Variants in FNBP1 observed in about 807,000 individuals in gnomAD.
FNBP1 encodes formin binding protein 1.
A neutral mutation model predicts 90.6 loss-of-function variants in FNBP1; 26 were observed. The ratio of observed to expected loss-of-function variants is 0.29; its 90% CI spans 0.21 to 0.40. The LOEUF (loss-of-function observed/expected upper bound fraction) is 0.40, where lower values mean the gene tolerates loss of function less well. Among genes scored for constraint, FNBP1 ranks in the 10% least tolerant of loss-of-function variants. The pLI is 1.00. For missense variants in FNBP1, 635 were observed against 768.0 expected (o/e 0.83, Z 2.05); for synonymous variants, 260 against 265.2 (o/e 0.98, Z 0.19).
intron 7 of FNBP1, among the ~76,000 whole-genome samples, chr9:129,927,600 C>CT (rs2042101941): frequency 6.6e-6 from 1 of 151,908 alleles, no homozygotes; most frequent in Non-Finnish European, 1.5e-5. Flanking sequence ...CTCAATAGTT[C>CT]TTTTTTGTTT....
chr9:129,890,525 G>C lies in FNBP1; in HGVS notation c.*14C>G. 4 of 1,584,196 alleles carry C rather than the reference G, an allele frequency of 2.5e-6. No homozygotes were observed. The highest frequency in any genetic ancestry group is 2.6e-6 in the Non-Finnish European group (3 of 1,165,658). On this transcript the variant is annotated 3_prime_UTR_variant, in exon 17 of 17. Coordinates refer to ENST00000446176, the MANE Select transcript of FNBP1 (RefSeq NM_015033.3). This position sits in a 1 kb window ranked among gnomAD's most constrained non-coding sequence, Gnocchi z 5.8. ...CTCCAGGAAGGCTCACCCGAGGCTC[G>C]CAGGCACTCCCCTCTAGGAATCTAC...
the FNBP1 span, chr9:130,053,870 G>A: frequency 1.3e-6 from 2 of 1,507,832 alleles, no homozygotes; most frequent in African/African-American, 1.4e-5. Flanking sequence ...CCCTTCCGGC[G>A]GCTGCGCCCT....
intron 1 of FNBP1, among the ~76,000 whole-genome samples, chr9:129,998,681 C>A (rs2054377454): frequency 6.6e-6 from 1 of 152,146 alleles, no homozygotes. Context: ...TTTCCCCCCA[C>A]CATATCACTT....
chr9:129,918,704 T>C (rs981076571), intron 10 of FNBP1, among the ~76,000 whole-genome samples: 1 of 152,144 alleles, frequency 6.6e-6, no homozygotes, highest in Admixed American at 6.5e-5. Context: ...CAAACATGGA[T>C]ATGGGTGACT....
At chr9:129,968,034 A>T (rs2048886205) in intron 4 of FNBP1, among the ~76,000 whole-genome samples, 1 of 150,980 alleles carries the variant, frequency 6.6e-6, no homozygotes, top group African/African-American at 2.4e-5. Context: ...TTTGCAGGTG[A>T]AACAACCACA....
At chr9:130,034,008 T>C in intron 1 of FNBP1, among the ~76,000 whole-genome samples, 1 of 133,692 alleles carries the variant, frequency 7.5e-6, no homozygotes. Flanking sequence ...AGAACAAGAC[T>C]CTGTCTCAAA....
rs1440906553 is a variant in FNBP1 at position 129,917,198 on chromosome 9, GA to G, written c.1171-1219del. Among the ~76,000 whole-genome samples the G allele has an allele frequency of 2.0e-5, 3 of 151,814 alleles. No homozygotes were observed. The East Asian group carries it at 5.8e-4, about 29-fold the overall frequency. ...CAGCTAATGTTTTGTATTTTTAGTA[GA>G]GACGGGGTTTCGCCTTGTTGGTCAG... On this transcript the variant is annotated intron_variant, in intron 10 of 16. Coordinates refer to ENST00000446176, the MANE Select transcript of FNBP1 (RefSeq NM_015033.3).
rs1156294183 is a variant in FNBP1, at chr9:129,888,967, ACG to A, written c.*1570_*1571del. ...GCCAAGCAAAGAATAAAGCTGCCCG[ACG>A]TCATCCCCAGGCTTCCGTGGCGCTC... is the stretch of plus-strand genomic sequence containing the variant. On this transcript the variant is annotated 3_prime_UTR_variant, in exon 17 of 17. Transcript: ENST00000446176. 6.2e-5 allele frequency: 14 copies of A among 226,524 alleles called. No homozygotes were observed. Among genetic ancestry groups the A allele is most frequent in the Middle Eastern group, 1.3e-3 (1 of 766 alleles). 14.0% of individuals were successfully genotyped at this position (226,524 alleles called of 1,614,324 possible). A position where few individuals can be genotyped will look rare whatever the true frequency, so the allele number is the denominator to read the frequency against.
At chr9:129,973,036 T>C (rs1564471786) in intron 4 of FNBP1, among the ~76,000 whole-genome samples, 1 of 152,210 alleles carries the variant, frequency 6.6e-6, no homozygotes, top group African/African-American at 2.4e-5. Context: ...CCTAAGTGTA[T>C]GCTCATAGAG....
At chr9:129,950,785 T>C (rs2046036312) in intron 6 of FNBP1, among the ~76,000 whole-genome samples, 1 of 152,084 alleles carries the variant, frequency 6.6e-6, no homozygotes, top group African/African-American at 2.4e-5. Flanking sequence ...TTTTCTCTAC[T>C]ACGACTTGTA....
At chr9:130,008,099 A>C (rs1031341036) in intron 1 of FNBP1, among the ~76,000 whole-genome samples, 1 of 151,078 alleles carries the variant, frequency 6.6e-6, no homozygotes, top group Non-Finnish European at 1.5e-5. Flanking sequence ...TAATCCCAGC[A>C]CTTGGGGAGG....
intron 6 of FNBP1, among the ~76,000 whole-genome samples, chr9:129,955,030 T>C (rs980868146): frequency 6.6e-6 from 1 of 151,882 alleles, no homozygotes; most frequent in African/African-American, 2.4e-5. Flanking sequence ...GGGAACCTTT[T>C]GAAGCACTCT....
rs2059822917 is a variant in FNBP1, at chr9:130,041,604, C to G, written c.24+1348G>C. Among the ~76,000 whole-genome samples, 2 of 152,166 alleles carry G rather than the reference C, an allele frequency of 1.3e-5. No homozygotes were observed. Among genetic ancestry groups the G allele is most frequent in the South Asian group, 2.1e-4 (1 of 4,832 alleles). ...AACTATTTTATTTTCAAAATGGATACTTGTAAACATCAGCGGAAATTTTGT... is the reference window on the plus strand; with the variant it reads ...AACTATTTTATTTTCAAAATGGATAGTTGTAAACATCAGCGGAAATTTTGT... On this transcript the variant is annotated intron_variant, in intron 1 of 16. Transcript: ENST00000446176. This position sits in a 1 kb window ranked among gnomAD's most constrained non-coding sequence, Gnocchi z 4.3.
intron 1 of FNBP1, among the ~76,000 whole-genome samples, chr9:130,033,710 G>A (rs1411828395): frequency 1.5e-4 from 23 of 151,348 alleles, no homozygotes; most frequent in African/African-American, 5.3e-4. Context: ...TAGCCAGGCC[G>A]GGCTGGGCAC....
rs111766024 is a variant in FNBP1, at chr9:129,889,084, G to T, written c.*1455C>A. On this transcript the variant is annotated 3_prime_UTR_variant, in exon 17 of 17. Transcript: ENST00000446176. Reference sequence around the variant, plus strand: ...GCTGCTCTGCTCTAAGGCGTGGCGGGGGGGGGGGGTGGTGGCCACAGATTA... The same window carrying T: ...GCTGCTCTGCTCTAAGGCGTGGCGGTGGGGGGGGGTGGTGGCCACAGATTA... 7.3e-5 allele frequency: 2 copies of T among 27,384 alleles called. No homozygotes were observed. The highest frequency in any genetic ancestry group is 4.6e-4 in the African/African-American group (1 of 2,174). The allele number at this position is 27,384 out of a possible 1,614,324, so 1.7% of individuals were successfully genotyped here. A position where few individuals can be genotyped will look rare whatever the true frequency, so the allele number is the denominator to read the frequency against.
In FNBP1 at chr9:129,902,970, G is replaced by C. The variant is rs540509107; in HGVS notation, c.1327C>G (p.Leu443Val). The C allele has an allele frequency of 1.3e-6, 2 of 1,596,992 alleles. No individual in the cohort carries two copies. The highest frequency in any genetic ancestry group is 1.7e-6 in the Non-Finnish European group (2 of 1,171,146). Reference sequence around the variant, plus strand: ...GGGTCTCCCATCTGAGGATTCTTTAGGTAGACATCTTTCATTTTTGTTATG... The same window carrying C: ...GGGTCTCCCATCTGAGGATTCTTTACGTAGACATCTTTCATTTTTGTTATG... ...DAITKMKDVY[L>V]KNPQMGDPAS... is the part of the protein sequence containing the mutation. The change falls in exon 13 of 17, where the codon CTA (leucine) becomes GTA (valine). Residue 443 changes from leucine to valine, a missense_variant. By Grantham distance (32) the Leu-to-Val change is conservative. Coordinates refer to ENST00000446176, the MANE Select transcript of FNBP1 (RefSeq NM_015033.3).
At chr9:129,921,225 C>T (rs568633443) in intron 10 of FNBP1, among the ~76,000 whole-genome samples, 1 of 151,284 alleles carries the variant, frequency 6.6e-6, no homozygotes, top group Non-Finnish European at 1.5e-5. Context: ...TTTTAAAAAG[C>T]ATTGATAATA....
chr9:129,895,559 G>A (rs1267732708), intron 16 of FNBP1: 1 of 1,233,202 alleles, frequency 8.1e-7, no homozygotes, highest in South Asian at 4.0e-5. Flanking sequence ...AAGAAGAAAT[G>A]TTTATCAGAT....
chr9:129,903,779 C>T (rs1344424259), intron 12 of FNBP1, among the ~76,000 whole-genome samples: 1 of 152,090 alleles, frequency 6.6e-6, no homozygotes, highest in Non-Finnish European at 1.5e-5. Context: ...AATCCACCTG[C>T]CTCGGCCTCC....
Sources: allele counts gnomAD v4.1 joint callset (sites outside exome capture counted in the v4.1 genomes callset), GRCh38; gene constraint gnomAD v4.1.1; non-coding constraint Gnocchi (gnomAD v3.1); transcripts MANE v1.5; gene names NCBI Gene and HGNC (gene_info 2026-07-23, HGNC 2026-07-21).